The following FCHSD2 variants were observed in gnomAD, a reference collection of about 807,000 sequenced individuals.
FCHSD2 encodes the protein FCH and double SH3 domains 2.
In FCHSD2, 38 loss-of-function variants were observed where a neutral mutation model predicts 108.1. That is an observed-to-expected ratio of 0.35 (90% CI 0.27 to 0.46). FCHSD2 has a LOEUF of 0.46. Among genes scored for constraint, FCHSD2 ranks in the 20% least tolerant of loss-of-function variants. FCHSD2 has a pLI of 1.00. For synonymous variants in FCHSD2, 279 were observed against 314.7 expected (o/e 0.89, Z 1.20); for missense variants, 751 against 897.8 (o/e 0.84, Z 2.09).
At chr11:72,875,211 T>C (rs1364170813) in intron 12 of FCHSD2, among the ~76,000 whole-genome samples, 1 of 152,174 alleles carries the variant, frequency 6.6e-6, no homozygotes, top group Non-Finnish European at 1.5e-5. Flanking sequence ...TCAATAATGG[T>C]AGATAATAGT....
intron 14 of FCHSD2, 21 bp downstream of exon 14, chr11:72,849,734 T>G (rs558099885): frequency 3.8e-6 from 6 of 1,575,680 alleles, no homozygotes; most frequent in Non-Finnish European, 4.4e-6. Context: ...TTTAATAACA[T>G]TATGTTGGAG....
At position 73,071,535 on chromosome 11, in the gene FCHSD2, C is replaced by CA. The variant is rs1038388058; in HGVS notation, c.165+12159dup. On this transcript the variant is annotated intron_variant, in intron 3 of 19. Transcript: ENST00000409418. ...TGAAACCCTGTTTCTACTAAAAATA[C>CA]AAAAAAAAAAAAAAAATTAGCTGGG... Among the ~76,000 whole-genome samples the CA allele has an allele frequency of 8.1e-3, 1,064 of 130,834 alleles. 27 individuals are homozygous for CA. The East Asian group carries it at 0.11, about 14-fold the overall frequency. The allele number at this position is 130,834 out of a possible 152,430, so 85.8% of individuals were successfully genotyped here. A position where few individuals can be genotyped will look rare whatever the true frequency, so the allele number is the denominator to read the frequency against.
At chr11:72,882,713 C>T (rs12293726) in intron 12 of FCHSD2, among the ~76,000 whole-genome samples, 73,551 of 151,892 alleles carry the variant, frequency 0.48, 18,578 homozygotes, top group South Asian at 0.67. Context: ...AAACAGAGTG[C>T]CTAAATAAAT....
In FCHSD2 at chr11:72,838,516, T is replaced by A; in HGVS notation, c.*275A>T. The stretch of plus-strand genomic sequence containing the variant: ...TGAGTCTCATATAAAAACAGACCAC[T>A]GTTAGGCATGAGGGCTGCCCCCCTC... On this transcript the variant is annotated 3_prime_UTR_variant, in exon 20 of 20. Transcript: ENST00000409418. 1 of 495,934 alleles carries A rather than the reference T, an allele frequency of 2.0e-6. No individual in the cohort carries two copies. The highest frequency in any genetic ancestry group is 3.7e-6 in the Non-Finnish European group (1 of 272,198). The allele number at this position is 495,934 out of a possible 1,614,324, so 30.7% of individuals were successfully genotyped here.
chr11:72,925,484 C>T lies in FCHSD2; in HGVS notation c.706-3534G>A, dbSNP rs558973232. On this transcript the variant is annotated intron_variant, in intron 8 of 19. Coordinates refer to ENST00000409418, the MANE Select transcript of FCHSD2 (RefSeq NM_014824.3). The stretch of plus-strand genomic sequence containing the variant: ...GAATCTGCAGTGATCTATGATCGTG[C>T]CACTGCACCCCAGCCTGGGCAACAG... 3.9e-5 allele frequency among the ~76,000 whole-genome samples: 6 copies of T among 152,272 alleles called. No individual in the cohort carries two copies. In the East Asian group the frequency reaches 9.7e-4, roughly 25 times the overall value.
chr11:73,014,124 CTTTT>C (rs947652108), intron 4 of FCHSD2, among the ~76,000 whole-genome samples: 1 of 86,582 alleles, frequency 1.2e-5, no homozygotes, highest in Non-Finnish European at 2.1e-5. Flanking sequence ...TGTGTGGTTT[CTTTT>C]TTTTTTTTTT....
At chr11:73,053,055 A>T (rs901343110) in intron 3 of FCHSD2, among the ~76,000 whole-genome samples, 1 of 151,650 alleles carries the variant, frequency 6.6e-6, no homozygotes, top group African/African-American at 2.4e-5. Flanking sequence ...CATGTTGGCC[A>T]GACTAGTCTC....
intron 3 of FCHSD2, among the ~76,000 whole-genome samples, chr11:73,056,601 C>CTCAT (rs964176898): frequency 1.4e-4 from 21 of 152,122 alleles, no homozygotes; most frequent in African/African-American, 4.8e-4. Flanking sequence ...ACTATATTTC[C>CTCAT]TCATTCATTC....
intron 14 of FCHSD2, among the ~76,000 whole-genome samples, chr11:72,847,438 G>A (rs1231624562): frequency 1.3e-5 from 2 of 152,078 alleles, no homozygotes; most frequent in East Asian, 3.9e-4. Flanking sequence ...TTGTCCTAGG[G>A]GCTGAAGACA....
chr11:72,986,472 G>C (rs989347118), intron 6 of FCHSD2, among the ~76,000 whole-genome samples: 1 of 152,222 alleles, frequency 6.6e-6, no homozygotes, highest in Non-Finnish European at 1.5e-5. Context: ...GCCTCCCAAA[G>C]TGCTGGGATT....
intron 12 of FCHSD2, among the ~76,000 whole-genome samples, chr11:72,884,021 C>T (rs1254988645): frequency 1.3e-5 from 2 of 151,738 alleles, no homozygotes; most frequent in African/African-American, 2.4e-5. Flanking sequence ...AGGTGACTAG[C>T]ACTTGGTAAT....
At chr11:72,851,414 A>G (rs1441798777) in intron 13 of FCHSD2, among the ~76,000 whole-genome samples, 1 of 152,158 alleles carries the variant, frequency 6.6e-6, no homozygotes, top group African/African-American at 2.4e-5. Flanking sequence ...ACTCTGATGT[A>G]TCCATATTAT....
chr11:72,946,230 G>C (rs894407416), intron 8 of FCHSD2, among the ~76,000 whole-genome samples: 1 of 152,086 alleles, frequency 6.6e-6, no homozygotes, highest in African/African-American at 2.4e-5. Flanking sequence ...AAAATGATGA[G>C]TTCATGTCCT....
chr11:72,967,082 C>T (rs1307333854), intron 8 of FCHSD2, among the ~76,000 whole-genome samples: 1 of 151,938 alleles, frequency 6.6e-6, no homozygotes, highest in Non-Finnish European at 1.5e-5. Flanking sequence ...CACCTGTGGT[C>T]CCAGCTACTC....
chr11:73,016,725 T>G (rs1857982161), intron 3 of FCHSD2, among the ~76,000 whole-genome samples: 1 of 152,222 alleles, frequency 6.6e-6, no homozygotes, highest in South Asian at 2.1e-4. Context: ...AAGACAGATT[T>G]TAAGGGTCTT....
chr11:72,915,757 G>A (rs1855859854), intron 9 of FCHSD2, among the ~76,000 whole-genome samples: 1 of 152,178 alleles, frequency 6.6e-6, no homozygotes, highest in Non-Finnish European at 1.5e-5. Context: ...GGCAGAGGTT[G>A]CAGTGAGCCG....
intron 8 of FCHSD2, among the ~76,000 whole-genome samples, chr11:72,923,923 G>C (rs1371786678): frequency 1.3e-5 from 2 of 152,156 alleles, no homozygotes; most frequent in African/African-American, 2.4e-5. Context: ...CTGCGTGACA[G>C]AGCAAGACTC....
intron 1 of FCHSD2, 34 bp from the exon 2 acceptor site, chr11:73,140,162 T>C (rs1565110091): frequency 7.4e-7 from 1 of 1,343,314 alleles, no homozygotes; most frequent in Non-Finnish European, 1.0e-6. Context: ...AAGGTCTTTT[T>C]ACAAATTTAA....
At chr11:72,911,078 TAG>T (rs1247861614) in intron 9 of FCHSD2, among the ~76,000 whole-genome samples, 1 of 152,218 alleles carries the variant, frequency 6.6e-6, no homozygotes, top group East Asian at 1.9e-4. Flanking sequence ...TCCTATGTCT[TAG>T]AGAGTTTCTC....
Sources: gnomAD v4.1 joint callset for allele counts (sites outside exome capture counted in the v4.1 genomes callset) on GRCh38, gnomAD v4.1.1 for gene constraint, MANE v1.5 for transcripts, NCBI Gene and HGNC (gene_info 2026-07-23, HGNC 2026-07-21) for gene names.